The following HCRTR2 variants were observed in gnomAD, a reference collection of about 807,000 sequenced individuals.
HCRTR2 encodes the protein orexin receptor type 2.
HCRTR2 carries 22 observed loss-of-function variants against 49.0 expected under a neutral mutation model. That is an observed-to-expected ratio of 0.45 (90% CI 0.32 to 0.64). HCRTR2 has a LOEUF of 0.64. Ranked by LOEUF, HCRTR2 falls within the 30% of genes least tolerant of loss-of-function variation. The pLI, the probability that HCRTR2 is intolerant of heterozygous loss-of-function variation, is 0.04. For missense variants in HCRTR2, 491 were observed against 559.4 expected, an observed-to-expected ratio of 0.88 and a Z score of 1.23; for synonymous variants, 236 against 205.3, an observed-to-expected ratio of 1.15 and a Z score of -1.28.
chr6:55,283,213 G>C (rs906181650), downstream of HCRTR2, among the ~76,000 whole-genome samples: 2 of 152,156 alleles, frequency 1.3e-5, no homozygotes, highest in Non-Finnish European at 2.9e-5. Context: ...AGCCTTGCTG[G>C]ATTAAATTAA....
Position 55,221,472 on chromosome 6 carries a change from G to A in HCRTR2, c.224-27167G>A, listed in dbSNP as rs556539290. On this transcript the variant is annotated intron_variant, in intron 1 of 6. Transcript: ENST00000370862. Reference sequence around the variant, plus strand: ...GAAAACTAGATAGCCATATTCAAAGGACTGAAATTAGACCCTACTCAAAAA... The same window carrying A: ...GAAAACTAGATAGCCATATTCAAAGAACTGAAATTAGACCCTACTCAAAAA... Among the ~76,000 whole-genome samples, 9 of 152,136 alleles carry A rather than the reference G, an allele frequency of 5.9e-5. 3 individuals carry two copies. The highest frequency in any genetic ancestry group is 2.2e-4 in the African/African-American group (9 of 41,508).
intron 1 of HCRTR2, among the ~76,000 whole-genome samples, chr6:55,197,559 T>C (rs539579991): frequency 2.0e-5 from 3 of 152,102 alleles, no homozygotes; most frequent in Non-Finnish European, 4.4e-5. Context: ...CAGACCTAAC[T>C]CTACATCTAA....
chr6:55,199,869 T>C (rs1765480229), intron 1 of HCRTR2, among the ~76,000 whole-genome samples: 2 of 152,152 alleles, frequency 1.3e-5, no homozygotes, highest in African/African-American at 4.8e-5. Flanking sequence ...CAGGCAAAAA[T>C]CTAAATTCAT....
intron 4 of HCRTR2, among the ~76,000 whole-genome samples, chr6:55,264,745 A>C (rs1444648578): frequency 1.3e-5 from 2 of 152,072 alleles, no homozygotes; most frequent in Admixed American, 1.3e-4. Context: ...AAAATGCCAC[A>C]ATTCTTAGAG....
intron 1 of HCRTR2, among the ~76,000 whole-genome samples, chr6:55,182,232 C>T (rs868039264): frequency 6.6e-6 from 1 of 152,196 alleles, no homozygotes; most frequent in African/African-American, 2.4e-5. Flanking sequence ...TGACCGCCCC[C>T]GGGCCCCGGC....
At chr6:55,180,804 AAT>A (rs1765119407) in intron 1 of HCRTR2, among the ~76,000 whole-genome samples, 1 of 149,440 alleles carries the variant, frequency 6.7e-6, no homozygotes, top group African/African-American at 2.5e-5. Flanking sequence ...AACTTTTTTT[AAT>A]TTTTTTTTTT....
At chr6:55,246,485 G>A (rs1176408427) in intron 1 of HCRTR2, among the ~76,000 whole-genome samples, 4 of 151,904 alleles carry the variant, frequency 2.6e-5, no homozygotes, top group Non-Finnish European at 2.9e-5. Flanking sequence ...ATGGTGCAGA[G>A]GTGATTATTC....
intron 2 of HCRTR2, among the ~76,000 whole-genome samples, chr6:55,249,554 G>A (rs1439407978): frequency 6.6e-6 from 1 of 152,050 alleles, no homozygotes; most frequent in Non-Finnish European, 1.5e-5. Flanking sequence ...TTACCCTCTG[G>A]AAGAGATGAT....
chr6:55,213,213 A>C (rs73437026), intron 1 of HCRTR2, among the ~76,000 whole-genome samples: 4,314 of 152,262 alleles, frequency 0.028, 179 homozygotes, highest in African/African-American at 0.094. Flanking sequence ...ATGAAAAAGA[A>C]AAAAACACTA....
intron 6 of HCRTR2, among the ~76,000 whole-genome samples, chr6:55,281,351 C>T (rs1002341042): frequency 2.6e-5 from 4 of 152,064 alleles, no homozygotes; most frequent in Non-Finnish European, 5.9e-5. Context: ...CTCTGAACCT[C>T]GCACTAAGCA....
chr6:55,249,385 C>T (rs79006362), intron 2 of HCRTR2, among the ~76,000 whole-genome samples: 9,570 of 151,634 alleles, frequency 0.063, 447 homozygotes, highest in African/African-American at 0.13. Context: ...TTCAAACTAC[C>T]GGATTTGGAA....
intron 1 of HCRTR2, among the ~76,000 whole-genome samples, chr6:55,214,484 A>G (rs1027664255): frequency 1.3e-5 from 2 of 152,028 alleles, no homozygotes; most frequent in African/African-American, 4.8e-5. Context: ...GACACATGCC[A>G]CTGTGCTTGA....
chr6:55,130,012 T>G (rs571878283), intron 1 of HCRTR2, among the ~76,000 whole-genome samples: 1 of 151,998 alleles, frequency 6.6e-6, no homozygotes, highest in Non-Finnish European at 1.5e-5. Flanking sequence ...ATGTCCTCAT[T>G]TGTTTAACCC....
intron 1 of HCRTR2, among the ~76,000 whole-genome samples, chr6:55,247,132 G>T (rs537961961): frequency 1.4e-4 from 21 of 152,052 alleles, no homozygotes; most frequent in Non-Finnish European, 2.8e-4. Context: ...GCTAGGGTGG[G>T]TTTGTGTGTG....
chr6:55,148,062 A>G (rs561962931), intron 1 of HCRTR2, among the ~76,000 whole-genome samples: 1 of 152,266 alleles, frequency 6.6e-6, no homozygotes, highest in East Asian at 1.9e-4. Flanking sequence ...TTCTTTTTCA[A>G]TAGAAACTAA....
chr6:55,215,093 A>G (rs12662510), intron 1 of HCRTR2, among the ~76,000 whole-genome samples: 20,707 of 152,166 alleles, frequency 0.14, 1,834 homozygotes, highest in East Asian at 0.27. Context: ...ATGGCCTGCA[A>G]CTAAGATGAA....
At chr6:55,154,752 G>A (rs1346618926) in intron 1 of HCRTR2, among the ~76,000 whole-genome samples, 4 of 151,458 alleles carry the variant, frequency 2.6e-5, no homozygotes, top group East Asian at 3.9e-4. Context: ...AAATTGGAAA[G>A]GAAGAAGTGA....
intron 2 of HCRTR2, among the ~76,000 whole-genome samples, chr6:55,252,936 T>C (rs371069674): frequency 4.8e-4 from 73 of 152,156 alleles, no homozygotes; most frequent in Admixed American, 1.6e-3. Context: ...AGCCCTGGAA[T>C]AGACATTTTC....
chr6:55,128,331 A>G (rs965212269), intron 1 of HCRTR2, among the ~76,000 whole-genome samples: 1 of 152,130 alleles, frequency 6.6e-6, no homozygotes, highest in East Asian at 1.9e-4. Context: ...GTAGCCCTGT[A>G]GTATAGTTTG....
Sources: allele counts gnomAD v4.1 joint callset (sites outside exome capture counted in the v4.1 genomes callset), GRCh38; gene constraint gnomAD v4.1.1; transcripts MANE v1.5; gene names NCBI Gene and HGNC (gene_info 2026-07-23, HGNC 2026-07-21).